Variants in TMEM108 observed in about 807,000 individuals in gnomAD.
The protein encoded by TMEM108 is cancer/testis antigen 124.
In TMEM108, 12 loss-of-function variants were observed where a neutral mutation model predicts 35.1. The observed-to-expected ratio is 0.34, with a 90% CI of 0.22 to 0.55. TMEM108 has a LOEUF of 0.55. TMEM108 is among the 20% of genes least tolerant of loss of function. The probability of loss-of-function intolerance (pLI) is 0.89; values close to 1 mark genes in which losing one functional copy is unlikely to be tolerated. For synonymous variants in TMEM108, 287 were observed against 308.6 expected (o/e 0.93, Z 0.73); for missense variants, 680 against 753.3 (o/e 0.90, Z 1.14).
At chr3:133,292,317 T>G (rs966652813) in intron 3 of TMEM108, among the ~76,000 whole-genome samples, 12 of 152,196 alleles carry the variant, frequency 7.9e-5, no homozygotes, top group Admixed American at 2.0e-4. Context: ...CTTCATAAGA[T>G]TTCTTCAAAT....
intron 2 of TMEM108, among the ~76,000 whole-genome samples, chr3:133,130,931 T>C (rs1329364466): frequency 6.6e-6 from 1 of 152,208 alleles, no homozygotes; most frequent in African/African-American, 2.4e-5. Flanking sequence ...TTTATGACAC[T>C]CTATCTACTG....
At chr3:133,102,043 A>G (rs888366760) in intron 2 of TMEM108, among the ~76,000 whole-genome samples, 2 of 152,232 alleles carry the variant, frequency 1.3e-5, no homozygotes, top group African/African-American at 2.4e-5. Context: ...ATTCATATTC[A>G]TATTCCATTG....
At chr3:133,084,223 T>C (rs1036353919) in intron 2 of TMEM108, among the ~76,000 whole-genome samples, 9 of 152,220 alleles carry the variant, frequency 5.9e-5, no homozygotes, top group African/African-American at 2.2e-4. Flanking sequence ...CACATTCTTT[T>C]AATCCTACTA....
At chr3:133,067,018 A>G (rs1428768574) in intron 2 of TMEM108, among the ~76,000 whole-genome samples, 1 of 152,178 alleles carries the variant, frequency 6.6e-6, no homozygotes, top group African/African-American at 2.4e-5. Flanking sequence ...TTGGGTAAAC[A>G]TGTACTACTT....
chr3:133,190,058 C>G (rs939872462), intron 2 of TMEM108, among the ~76,000 whole-genome samples: 1 of 151,168 alleles, frequency 6.6e-6, no homozygotes, highest in Non-Finnish European at 1.5e-5. Context: ...GATTGTAGTA[C>G]TGACTTCATC....
chr3:133,147,768 T>C (rs1472507765), intron 2 of TMEM108, among the ~76,000 whole-genome samples: 1 of 152,200 alleles, frequency 6.6e-6, no homozygotes, highest in Non-Finnish European at 1.5e-5. Context: ...ACATACCTGC[T>C]TTGAGAAATC....
chr3:133,092,155 A>G (rs1013295700), intron 2 of TMEM108, among the ~76,000 whole-genome samples: 2 of 152,214 alleles, frequency 1.3e-5, no homozygotes, highest in Admixed American at 1.3e-4. Context: ...TCAAGAGGAA[A>G]CAACCCATCA....
chr3:133,113,424 T>C (rs1223587080), intron 2 of TMEM108, among the ~76,000 whole-genome samples: 2 of 152,178 alleles, frequency 1.3e-5, no homozygotes, highest in Admixed American at 1.3e-4. Context: ...AGAGGATAAG[T>C]GGAACCCTTC....
At chr3:133,239,897 G>A (rs1404614431) in intron 3 of TMEM108, among the ~76,000 whole-genome samples, 1 of 152,180 alleles carries the variant, frequency 6.6e-6, no homozygotes, top group Non-Finnish European at 1.5e-5. Flanking sequence ...CCTCTCAAGT[G>A]TTGTGGGATT....
intron 2 of TMEM108, among the ~76,000 whole-genome samples, chr3:133,065,826 C>T (rs545036649): frequency 2.6e-5 from 4 of 152,092 alleles, no homozygotes; most frequent in South Asian, 2.1e-4. Flanking sequence ...TGGGTGGGAC[C>T]GCACATCTGA....
At chr3:133,129,924 G>A (rs866058409) in intron 2 of TMEM108, among the ~76,000 whole-genome samples, 7 of 4,858 alleles carry the variant, frequency 1.4e-3, no homozygotes, top group Admixed American at 4.6e-3. Context: ...TCAAAAGATC[G>A]CTGATGCAGG....
intron 3 of TMEM108, among the ~76,000 whole-genome samples, chr3:133,357,695 A>G (rs561386364): frequency 1.3e-5 from 2 of 152,222 alleles, no homozygotes; most frequent in East Asian, 1.9e-4. Flanking sequence ...CAAATACTGT[A>G]TGGTATCACT....
chr3:133,260,273 A>ATAT (rs1559885156), intron 3 of TMEM108, among the ~76,000 whole-genome samples: 1 of 120,058 alleles, frequency 8.3e-6, no homozygotes, highest in Non-Finnish European at 1.7e-5. Flanking sequence ...CTAGTTAGGG[A>ATAT]ATCTAGACAA....
chr3:133,209,539 C>T (rs953469585), intron 2 of TMEM108, among the ~76,000 whole-genome samples: 29 of 152,144 alleles, frequency 1.9e-4, no homozygotes, highest in African/African-American at 7.0e-4. Context: ...CCTATTAGCA[C>T]AGTGCATGTT....
At chr3:133,154,027 C>CT (rs11434642) in intron 2 of TMEM108, among the ~76,000 whole-genome samples, 101,175 of 150,704 alleles carry the variant, frequency 0.67, 34,350 homozygotes, top group African/African-American at 0.73. Context: ...AATTAGTAGA[C>CT]TTTTTTTTTC....
At chr3:133,292,505 A>G (rs886127565) in intron 3 of TMEM108, among the ~76,000 whole-genome samples, 4 of 152,146 alleles carry the variant, frequency 2.6e-5, no homozygotes, top group Non-Finnish European at 5.9e-5. Flanking sequence ...GATTGTCATC[A>G]TAAGAGAAAT....
intron 3 of TMEM108, among the ~76,000 whole-genome samples, chr3:133,274,925 G>A (rs1229174662): frequency 7.5e-6 from 1 of 133,238 alleles, no homozygotes; most frequent in African/African-American, 2.5e-5. Flanking sequence ...TCTAAATGAA[G>A]TCCACTGCTC....
At chr3:133,124,368 T>G (rs1004702836) in intron 2 of TMEM108, among the ~76,000 whole-genome samples, 2 of 152,210 alleles carry the variant, frequency 1.3e-5, no homozygotes, top group Admixed American at 1.3e-4. Flanking sequence ...ATTGATAATT[T>G]TACTTTTCTT....
intron 2 of TMEM108, among the ~76,000 whole-genome samples, chr3:133,223,336 C>T (rs1047767930): frequency 2.0e-5 from 3 of 152,200 alleles, no homozygotes; most frequent in African/African-American, 7.2e-5. Context: ...AGCCTGGCTT[C>T]ATATCTCGGT....
Sources: allele counts gnomAD v4.1 joint callset (sites outside exome capture counted in the v4.1 genomes callset), GRCh38; gene constraint gnomAD v4.1.1; transcripts MANE v1.5; gene names NCBI Gene and HGNC (gene_info 2026-07-23, HGNC 2026-07-21).